Variants in CPED1 observed in about 807,000 individuals in gnomAD.
CPED1 encodes cadherin-like and PC-esterase domain-containing protein 1.
CPED1 carries 114 observed loss-of-function variants against 128.2 expected under a neutral mutation model. That is an observed-to-expected ratio of 0.89 (90% CI 0.76 to 1.04). The LOEUF (loss-of-function observed/expected upper bound fraction) is 1.04. CPED1 is among the 50% of genes least tolerant of loss of function. The pLI is 0.00. For synonymous variants in CPED1, 462 were observed against 426.7 expected (o/e 1.08, Z -1.02); for missense variants, 1,211 against 1,207.1 (o/e 1.00, Z -0.05).
chr7:121,107,314 G>A (rs1397112992), intron 7 of CPED1, among the ~76,000 whole-genome samples: 1 of 150,638 alleles, frequency 6.6e-6, no homozygotes, highest in African/African-American at 2.5e-5. Flanking sequence ...TCTGATGACA[G>A]GAAAATATAT....
intron 4 of CPED1, among the ~76,000 whole-genome samples, chr7:121,058,301 G>A (rs529216310): frequency 6.6e-6 from 1 of 152,132 alleles, no homozygotes. Context: ...TTGTTTTGTC[G>A]AAGTAAGCTA....
At chr7:121,204,480 GTCA>G (rs1279859358) in intron 16 of CPED1, among the ~76,000 whole-genome samples, 2 of 152,134 alleles carry the variant, frequency 1.3e-5, no homozygotes, top group Non-Finnish European at 2.9e-5. Flanking sequence ...GCAGCCATAT[GTCA>G]GACTTTGTTC....
At chr7:121,087,838 T>A (rs1443970644) in intron 5 of CPED1, among the ~76,000 whole-genome samples, 1 of 151,920 alleles carries the variant, frequency 6.6e-6, no homozygotes, top group Non-Finnish European at 1.5e-5. Flanking sequence ...GTTTTTTAAT[T>A]TTTAGTAGAG....
At chr7:121,151,680 T>C (rs375699091) in intron 16 of CPED1, among the ~76,000 whole-genome samples, 2 of 152,226 alleles carry the variant, frequency 1.3e-5, no homozygotes. Flanking sequence ...TTATGAGTTG[T>C]AGGTAATGGT....
Position 121,141,985 on chromosome 7 carries a change from C to A in CPED1, c.1899C>A (p.Tyr633Ter), listed in dbSNP as rs530890465. Reference sequence around the variant, plus strand: ...TCTTTCTCTCCAGCTTTGCCAGCTACCCTCTGGGCTTAGGAATGAACAAAA... The same window carrying A: ...TCTTTCTCTCCAGCTTTGCCAGCTAACCTCTGGGCTTAGGAATGAACAAAA... ...YEQAGPSFASYPLGLGMNKIS... is the reference protein window; with the variant it reads ...YEQAGPSFAS The change falls in exon 16 of 23, where the codon TAC becomes TAA. Residue 633 changes from tyrosine to a stop codon, truncating the protein, a stop_gained. Coordinates refer to ENST00000310396, the MANE Select transcript of CPED1 (RefSeq NM_024913.5). LOFTEE classifies it high-confidence loss of function. 6.2e-7 allele frequency: 1 copy of A among 1,611,974 alleles called. No homozygotes were observed. The highest frequency in any genetic ancestry group is 8.5e-7 in the Non-Finnish European group (1 of 1,178,542).
intron 5 of CPED1, among the ~76,000 whole-genome samples, chr7:121,086,774 T>C (rs538099040): frequency 1.3e-5 from 2 of 152,316 alleles, no homozygotes; most frequent in Admixed American, 1.3e-4. Context: ...TGCAAATCAT[T>C]TGATGGATAA....
At chr7:121,172,918 T>G (rs1796687545) in intron 16 of CPED1, among the ~76,000 whole-genome samples, 1 of 152,164 alleles carries the variant, frequency 6.6e-6, no homozygotes, top group South Asian at 2.1e-4. Flanking sequence ...GTCCAGTGAT[T>G]AATAGCTTCA....
At chr7:121,150,353 C>T (rs1796129794) in intron 16 of CPED1, among the ~76,000 whole-genome samples, 1 of 152,042 alleles carries the variant, frequency 6.6e-6, no homozygotes, top group East Asian at 1.9e-4. Context: ...CCTCCAGCTG[C>T]ATCCATGTTG....
chr7:121,267,568 G>T (rs1189683752), intron 21 of CPED1, among the ~76,000 whole-genome samples: 1 of 151,580 alleles, frequency 6.6e-6, no homozygotes, highest in African/African-American at 2.4e-5. Flanking sequence ...TGGTCTTTTT[G>T]AAGATGATTT....
intron 3 of CPED1, among the ~76,000 whole-genome samples, chr7:121,021,928 G>T (rs934919679): frequency 1.3e-4 from 20 of 151,942 alleles, no homozygotes; most frequent in Admixed American, 5.9e-4. Context: ...TGGGTAAAAT[G>T]AACTTGATAG....
chr7:120,989,908 A>G (rs1045701816), intron 2 of CPED1, 38 bp downstream of exon 2: 1 of 1,610,204 alleles, frequency 6.2e-7, no homozygotes, highest in African/African-American at 1.3e-5. Context: ...CAGTTTCTGC[A>G]AAGACAGCAA....
chr7:121,107,331 G>GAA (rs139707310), intron 7 of CPED1, among the ~76,000 whole-genome samples: 1 of 151,956 alleles, frequency 6.6e-6, no homozygotes, highest in African/African-American at 2.4e-5. Context: ...ATATTGGAAG[G>GAA]AAAAAATCAC....
At chr7:120,998,714 A>G (rs1419118600) in intron 2 of CPED1, among the ~76,000 whole-genome samples, 2 of 152,168 alleles carry the variant, frequency 1.3e-5, no homozygotes, top group African/African-American at 4.8e-5. Context: ...TTTTCACAGT[A>G]AAATGAATCT....
intron 16 of CPED1, among the ~76,000 whole-genome samples, chr7:121,165,222 A>C (rs1010162883): frequency 6.6e-6 from 1 of 152,138 alleles, no homozygotes; most frequent in Non-Finnish European, 1.5e-5. Flanking sequence ...GATATGTTGG[A>C]TATAAACTTC....
chr7:121,292,673 G>A (rs1002325634), intron 22 of CPED1, among the ~76,000 whole-genome samples: 3 of 152,080 alleles, frequency 2.0e-5, no homozygotes, highest in Non-Finnish European at 4.4e-5. Context: ...TTTGGTCTTT[G>A]ATGTTGGTGA....
chr7:121,017,860 G>T (rs1792340252), intron 3 of CPED1, among the ~76,000 whole-genome samples: 1 of 152,112 alleles, frequency 6.6e-6, no homozygotes, highest in African/African-American at 2.4e-5. Context: ...AGGAACTGCT[G>T]GGCCCAGCGG....
chr7:121,286,884 T>G (rs1422388161), intron 22 of CPED1, among the ~76,000 whole-genome samples: 3 of 152,188 alleles, frequency 2.0e-5, no homozygotes, highest in Admixed American at 1.3e-4. Flanking sequence ...TGACTCATAG[T>G]TCAGCATGGC....
chr7:121,125,247 A>G (rs949261293), intron 8 of CPED1, among the ~76,000 whole-genome samples: 1 of 152,224 alleles, frequency 6.6e-6, no homozygotes. Flanking sequence ...AATAGTGATT[A>G]TTAATATGAC....
chr7:120,991,848 T>C (rs1796314190), intron 2 of CPED1, among the ~76,000 whole-genome samples: 1 of 152,192 alleles, frequency 6.6e-6, no homozygotes, highest in African/African-American at 2.4e-5. Flanking sequence ...AATTTACAAT[T>C]ATAGTTCAGG....
Sources: allele counts gnomAD v4.1 joint callset (sites outside exome capture counted in the v4.1 genomes callset), GRCh38; gene constraint gnomAD v4.1.1; transcripts MANE v1.5; gene names NCBI Gene and HGNC (gene_info 2026-07-23, HGNC 2026-07-21).